PLEKHA6: variants seen among roughly 807,000 people sequenced by gnomAD.
The protein encoded by PLEKHA6 is pleckstrin homology domain containing A6.
In PLEKHA6, 60 loss-of-function variants were observed where a neutral mutation model predicts 116.7. That is an observed-to-expected ratio of 0.51 (90% CI 0.42 to 0.64). PLEKHA6 has a LOEUF of 0.64. PLEKHA6 is among the 30% of genes least tolerant of loss of function. The pLI is 0.00. For synonymous variants in PLEKHA6, 489 were observed against 556.1 expected (o/e 0.88, Z 1.70); for missense variants, 1,338 against 1,422.7 (o/e 0.94, Z 0.96).
At chr1:204,270,338 A>G (rs1432676180) in intron 3 of PLEKHA6, among the ~76,000 whole-genome samples, 1 of 152,198 alleles carries the variant, frequency 6.6e-6, no homozygotes, top group Non-Finnish European at 1.5e-5. Flanking sequence ...AGCTATAAGC[A>G]ATATGATAAA....
chr1:204,250,094 C>T (rs1664324400), intron 10 of PLEKHA6, among the ~76,000 whole-genome samples: 1 of 152,244 alleles, frequency 6.6e-6, no homozygotes, highest in African/African-American at 2.4e-5. Flanking sequence ...CCTGCTGCTA[C>T]CTGGCACTTC....
intron 1 of PLEKHA6, among the ~76,000 whole-genome samples, chr1:204,304,698 C>A (rs1210135315): frequency 6.6e-6 from 1 of 152,138 alleles, no homozygotes; most frequent in Non-Finnish European, 1.5e-5. Flanking sequence ...CTGTCACAGA[C>A]CAAAACTTGG....
chr1:204,327,409 G>A (rs1410593951), intron 1 of PLEKHA6, among the ~76,000 whole-genome samples: 1 of 152,218 alleles, frequency 6.6e-6, no homozygotes, highest in Non-Finnish European at 1.5e-5. Context: ...GGTACAGGAA[G>A]TAGACAGCGA....
intron 1 of PLEKHA6, among the ~76,000 whole-genome samples, chr1:204,306,526 G>T (rs953755182): frequency 1.5e-4 from 23 of 152,234 alleles, no homozygotes; most frequent in Middle Eastern, 3.2e-3. Context: ...AGAAGAAAGT[G>T]CTCCTGCCAC....
chr1:204,376,260 C>T (rs1244089936), intron 1 of PLEKHA6, among the ~76,000 whole-genome samples: 2 of 152,132 alleles, frequency 1.3e-5, no homozygotes, highest in African/African-American at 4.8e-5. Flanking sequence ...ACCTGAGGGG[C>T]TCATGGAAAT....
chr1:204,313,049 TCCC>T (rs1467436399), intron 1 of PLEKHA6, among the ~76,000 whole-genome samples: 1 of 129,870 alleles, frequency 7.7e-6, no homozygotes, highest in African/African-American at 2.9e-5. Flanking sequence ...CCTCCCTCTG[TCCC>T]TCCCTCCCTC....
intron 1 of PLEKHA6, among the ~76,000 whole-genome samples, chr1:204,291,153 G>A (rs1488705866): frequency 6.6e-6 from 1 of 152,114 alleles, no homozygotes; most frequent in African/African-American, 2.4e-5. Context: ...TTATACACAT[G>A]TCAAATAAGG....
At chr1:204,227,661 G>T (rs890043984) in intron 21 of PLEKHA6, among the ~76,000 whole-genome samples, 1 of 152,146 alleles carries the variant, frequency 6.6e-6, no homozygotes, top group Non-Finnish European at 1.5e-5. Context: ...CTATTTGCAT[G>T]CAGCAAAAGC....
chr1:204,251,669 C>A (rs1200353562), intron 9 of PLEKHA6: 2 of 685,790 alleles, frequency 2.9e-6, no homozygotes. Context: ...GGTATCTCCC[C>A]TTCACCCACC....
intron 2 of PLEKHA6, chr1:204,368,893 G>A (rs906292411): frequency 2.6e-5 from 4 of 152,242 alleles, no homozygotes; most frequent in African/African-American, 7.2e-5. Flanking sequence ...GAAGTCTTAC[G>A]AAGCATAGCT....
chr1:204,359,577 G>A (rs1210810719), intron 1 of PLEKHA6, 117 bp downstream of exon 1: 1 of 983,038 alleles, frequency 1.0e-6, no homozygotes, highest in Non-Finnish European at 1.2e-6. Flanking sequence ...GGGGAAGCCA[G>A]TGCTCCGCAG....
At chr1:204,263,181 T>C (rs1161850951) in intron 6 of PLEKHA6, among the ~76,000 whole-genome samples, 2 of 151,922 alleles carry the variant, frequency 1.3e-5, no homozygotes, top group Non-Finnish European at 2.9e-5. Context: ...ACAAGTGCTG[T>C]GACAGGAGAA....
At chr1:204,256,491 G>C (rs1243277028) in intron 9 of PLEKHA6, among the ~76,000 whole-genome samples, 1 of 152,098 alleles carries the variant, frequency 6.6e-6, no homozygotes, top group African/African-American at 2.4e-5. Context: ...AGGAGCTCTG[G>C]CCTGATTTTT....
chr1:204,300,550 G>C (rs1160401829), intron 1 of PLEKHA6, among the ~76,000 whole-genome samples: 1 of 152,182 alleles, frequency 6.6e-6, no homozygotes, highest in Admixed American at 6.5e-5. Flanking sequence ...TGGGATCCCA[G>C]AAGTCAATGT....
At position 204,276,540 on chromosome 1, in the gene PLEKHA6, G is replaced by A. The variant is rs374554311; in HGVS notation, c.-94-1731C>T. Among the ~76,000 whole-genome samples the A allele has an allele frequency of 4.6e-5, 7 of 152,166 alleles. No homozygotes were observed. The East Asian group carries it at 1.4e-3, about 29-fold the overall frequency. ...AAGTTGTCTGCTTTTTCTCAGTGGT[G>A]CAGGGCACCCGCCCCCTGCCCTGAC... On this transcript the variant is annotated intron_variant, in intron 1 of 22. Coordinates refer to ENST00000272203, the MANE Select transcript of PLEKHA6 (RefSeq NM_014935.5).
chr1:204,285,407 A>G (rs1183572464), intron 1 of PLEKHA6, among the ~76,000 whole-genome samples: 4 of 143,238 alleles, frequency 2.8e-5, no homozygotes, highest in Non-Finnish European at 6.2e-5. Context: ...AATCTGGACA[A>G]TCCATTGTTT....
chr1:204,257,509 C>A lies in PLEKHA6; in HGVS notation c.1368G>T (p.Val456=). Residue 456 remains valine, a synonymous_variant, in exon 9 of 23, where the codon GTG becomes GTT. Transcript: ENST00000272203. The surrounding 1 kb of genome is among the most constrained non-coding windows in gnomAD (Gnocchi z 6.5). ...RLSLQPRSHS[V]PRSPSQGSYS... is the part of the protein sequence containing the mutation. ...AGGAGCCCTGGCTGGGTGAGCGGGG[C>A]ACAGAGTGGGAGCGGGGCTGCAGGG... 6.3e-7 allele frequency: 1 copy of A among 1,588,044 alleles called. No individual in the cohort carries two copies.
chr1:204,271,343 C>T (rs1667432185), intron 3 of PLEKHA6, among the ~76,000 whole-genome samples: 6 of 152,094 alleles, frequency 3.9e-5, no homozygotes, highest in Admixed American at 3.9e-4. Flanking sequence ...CCAGAGCCAG[C>T]AAGGTATCCA....
At chr1:204,317,269 TC>T in intron 1 of PLEKHA6, 1 of 901,948 alleles carries the variant, frequency 1.1e-6, no homozygotes, top group Non-Finnish European at 1.3e-6. Context: ...GGGTCCTAGC[TC>T]CAGGCAGGGG....
Sources: allele counts gnomAD v4.1 joint callset (sites outside exome capture counted in the v4.1 genomes callset), GRCh38; gene constraint gnomAD v4.1.1; non-coding constraint Gnocchi (gnomAD v3.1); transcripts MANE v1.5; gene names NCBI Gene and HGNC (gene_info 2026-07-23, HGNC 2026-07-21).